The following PIWIL1 variants were observed in gnomAD, a reference collection of about 807,000 sequenced individuals.
PIWIL1 encodes piwi like RNA-mediated gene silencing 1.
Under a neutral mutation model 114.4 loss-of-function variants are expected in PIWIL1, and 73 were observed. That is an observed-to-expected ratio of 0.64 (90% CI 0.53 to 0.78). PIWIL1 has a LOEUF of 0.78. Ranked by LOEUF, PIWIL1 falls within the 30% of genes least tolerant of loss-of-function variation. The pLI is 0.00. For missense variants in PIWIL1, 723 were observed against 1,063.1 expected, an observed-to-expected ratio of 0.68 and a Z score of 4.45; for synonymous variants, 375 against 369.0, an observed-to-expected ratio of 1.02 and a Z score of -0.19.
the PIWIL1 span, among the ~76,000 whole-genome samples, chr12:130,407,231 G>A: frequency 6.6e-6 from 1 of 152,234 alleles, no homozygotes; most frequent in Non-Finnish European, 1.5e-5. Context: ...TAGCTGCAGA[G>A]ACTGGAGACC....
At chr12:130,365,810 A>G (rs2073639764) in intron 18 of PIWIL1, among the ~76,000 whole-genome samples, 1 of 152,234 alleles carries the variant, frequency 6.6e-6, no homozygotes, top group Non-Finnish European at 1.5e-5. Context: ...ACAAGGCCCT[A>G]TGCTGAACTT....
chr12:130,342,428 A>T (rs554466453), intron 1 of PIWIL1, 152 bp from the exon 2 acceptor site: 11 of 614,024 alleles, frequency 1.8e-5, no homozygotes, highest in African/African-American at 9.3e-5. Context: ...ATGTTACATT[A>T]AAAAAAACTG....
At chr12:130,397,615 A>G in the PIWIL1 span, 4 of 398,138 alleles carry the variant, frequency 1.0e-5, no homozygotes, top group Non-Finnish European at 1.8e-5. Context: ...ACTTGGTAAC[A>G]TCGTACTGTC....
At chr12:130,400,333 A>G in the PIWIL1 span, among the ~76,000 whole-genome samples, 2 of 152,244 alleles carry the variant, frequency 1.3e-5, no homozygotes, top group African/African-American at 2.4e-5. Context: ...TATCGTAAAC[A>G]TTCAAACAAT....
chr12:130,374,892 A>C (rs372735762), downstream of PIWIL1, among the ~76,000 whole-genome samples: 10 of 151,890 alleles, frequency 6.6e-5, no homozygotes, highest in African/African-American at 2.2e-4. Flanking sequence ...GTTTCTTTAC[A>C]TCTCCCTTTA....
rs538848666 is a variant in PIWIL1 at position 130,349,114 on chromosome 12, G to A, written c.735-125G>A. 341 of 611,222 alleles carry A rather than the reference G, an allele frequency of 5.6e-4. 3 individuals carry two copies. In the East Asian group the frequency reaches 9.2e-3, roughly 16 times the overall value. The allele number at this position is 611,222 out of a possible 1,614,324, so 37.9% of individuals were successfully genotyped here. A position where few individuals can be genotyped will look rare whatever the true frequency, so the allele number is the denominator to read the frequency against. ...GGAACCATGTAAATCCTAGAAATAA[G>A]GAAATTGATTCATTCAGAAACTTTA... On this transcript the variant is annotated intron_variant, in intron 7 of 20. Transcript: ENST00000245255.
At chr12:130,355,760 A>C in intron 12 of PIWIL1, 93 bp downstream of exon 12, 1 of 874,138 alleles carries the variant, frequency 1.1e-6, no homozygotes, top group Non-Finnish European at 1.9e-6. Context: ...ATCTCAGCTC[A>C]CTGCAAGCTC....
chr12:130,343,403 A>G (rs897220667), intron 3 of PIWIL1, among the ~76,000 whole-genome samples: 4 of 152,306 alleles, frequency 2.6e-5, no homozygotes, highest in Non-Finnish European at 4.4e-5. Context: ...GGTAAAGATC[A>G]TTGTGACCAT....
At chr12:130,362,443 G>C (rs2073540836) in intron 16 of PIWIL1, among the ~76,000 whole-genome samples, 1 of 152,186 alleles carries the variant, frequency 6.6e-6, no homozygotes, top group South Asian at 2.1e-4. Context: ...CCATGAGTGT[G>C]CTTCTGTGCG....
chr12:130,370,132 T>C (rs1176242437), intron 19 of PIWIL1, among the ~76,000 whole-genome samples: 2 of 152,184 alleles, frequency 1.3e-5, no homozygotes, highest in Admixed American at 6.5e-5. Flanking sequence ...TCTGCTTTCC[T>C]AATTTTACTA....
intron 1 of PIWIL1, among the ~76,000 whole-genome samples, chr12:130,339,129 C>G (rs1319345536): frequency 6.6e-6 from 1 of 152,078 alleles, no homozygotes; most frequent in Non-Finnish European, 1.5e-5. Flanking sequence ...GGGAGCCGGA[C>G]GTTGGGAAGA....
At chr12:130,392,203 G>GT in the PIWIL1 span, among the ~76,000 whole-genome samples, 1 of 67,094 alleles carries the variant, frequency 1.5e-5, no homozygotes, top group Non-Finnish European at 3.3e-5. Flanking sequence ...TCACGTGGAT[G>GT]CATCAGTTAC....
Position 130,365,706 on chromosome 12 carries a change from A to G in PIWIL1, c.2196-1427A>G, listed in dbSNP as rs528637434. Among the ~76,000 whole-genome samples the G allele has an allele frequency of 2.2e-4, 34 of 152,348 alleles. No homozygotes were observed. The South Asian group carries it at 6.4e-3, about 29-fold the overall frequency. ...GCTAAATTGTTTCTCGTGATGTTATAGGATTAACTTTATCCACCTTATGTC... is the reference window on the plus strand; with the variant it reads ...GCTAAATTGTTTCTCGTGATGTTATGGGATTAACTTTATCCACCTTATGTC... On this transcript the variant is annotated intron_variant, in intron 18 of 20. Coordinates refer to ENST00000245255, the MANE Select transcript of PIWIL1 (RefSeq NM_004764.5).
Position 130,371,318 on chromosome 12 carries a change from T to C in PIWIL1, c.2464T>C (p.Trp822Arg), listed in dbSNP as rs376697933. 1 of 1,614,070 alleles carries C rather than the reference T, an allele frequency of 6.2e-7. No homozygotes were observed. The highest frequency in any genetic ancestry group is 8.5e-7 in the Non-Finnish European group (1 of 1,180,038). ...CAAGCTGTGCCACATCTATTACAAC[T>C]GGCCAGTAAGTGCTTCTACTTGTTG... ...TYKLCHIYYN[W>R]PGVIRVPAPC... is the part of the protein sequence containing the mutation. Residue 822 changes from tryptophan (W) to arginine (R), a missense_variant, in exon 20 of 21, where the codon TGG becomes CGG. Around this residue, in one of 8 missense-constraint regions of PIWIL1, gnomAD observed 106 missense variants for 182.8 expected, o/e 0.58. Coordinates refer to ENST00000245255, the MANE Select transcript of PIWIL1 (RefSeq NM_004764.5).
chr12:130,415,968 C>G, the PIWIL1 span, among the ~76,000 whole-genome samples: 1 of 151,970 alleles, frequency 6.6e-6, no homozygotes, highest in Non-Finnish European at 1.5e-5. Flanking sequence ...GCCACACACA[C>G]ACACACACAC....
At chr12:130,360,899 T>C (rs923457023) in intron 14 of PIWIL1, among the ~76,000 whole-genome samples, 4 of 152,238 alleles carry the variant, frequency 2.6e-5, no homozygotes, top group African/African-American at 7.2e-5. Context: ...GCTGGTTACA[T>C]AGAGCATATT....
In PIWIL1 at chr12:130,349,398, A is replaced by G. The variant is rs764455868; in HGVS notation, c.894A>G (p.Gln298=). The stretch of plus-strand genomic sequence containing the variant: ...CAGAAGAACATAAATTTCAAGAACA[A>G]GTTTCCAAAGAACTAATAGGTTTAG... ...HQTEEHKFQE[Q]VSKELIGLVV... is the part of the protein sequence containing the mutation. The change falls in exon 8 of 21, where the codon CAA becomes CAG. Residue 298 remains glutamine (Q), a synonymous_variant. Transcript: ENST00000245255. 2 of 1,613,220 alleles carry G rather than the reference A, an allele frequency of 1.2e-6. No individual in the cohort carries two copies. Among genetic ancestry groups the G allele is most frequent in the African/African-American group, 2.7e-5 (2 of 74,938 alleles).
chr12:130,356,975 A>G lies in PIWIL1; in HGVS notation c.1462A>G (p.Ile488Val). 1.4e-5 allele frequency: 22 copies of G among 1,613,688 alleles called. No individual in the cohort carries two copies. The highest frequency in any genetic ancestry group is 1.7e-5 in the Non-Finnish European group (20 of 1,179,734). The change falls in exon 13 of 21, where the codon ATT becomes GTT. Residue 488 changes from isoleucine to valine, a missense_variant. This residue lies in a region of PIWIL1 where 298 missense variants were observed against 420.8 expected (regional missense o/e 0.71). Coordinates refer to ENST00000245255, the MANE Select transcript of PIWIL1 (RefSeq NM_004764.5). ...CAAAGAAACAAGAGGTGCACCATTA[A>G]TTAGTGTTAAGCCACTAGATAACTG... is the stretch of plus-strand genomic sequence containing the variant. ...WSKETRGAPLISVKPLDNWLL... is the reference protein window; with the variant it reads ...WSKETRGAPLVSVKPLDNWLL...
chr12:130,424,424 G>C, the PIWIL1 span: 1 of 1,232,752 alleles, frequency 8.1e-7, no homozygotes. This position sits in a 1 kb window ranked among gnomAD's most constrained non-coding sequence, Gnocchi z 9.8. Context: ...CCCTCCTGCA[G>C]GGACAGTGAC....
Sources: allele counts gnomAD v4.1 joint callset (sites outside exome capture counted in the v4.1 genomes callset), GRCh38; gene constraint gnomAD v4.1.1; regional missense constraint gnomAD v4.1.1; non-coding constraint Gnocchi (gnomAD v3.1); transcripts MANE v1.5; gene names NCBI Gene and HGNC (gene_info 2026-07-23, HGNC 2026-07-21).